Variants in NRP1 observed in about 807,000 individuals in gnomAD.
NRP1 encodes the protein neuropilin-1.
A neutral mutation model predicts 106.7 loss-of-function variants in NRP1; 35 were observed. That is an observed-to-expected ratio of 0.33 (90% CI 0.25 to 0.43). The LOEUF is 0.43. Among genes scored for constraint, NRP1 ranks in the 20% least tolerant of loss-of-function variants. NRP1 has a pLI of 1.00. For synonymous variants in NRP1, 437 were observed against 417.9 expected (o/e 1.05, Z -0.56); for missense variants, 1,024 against 1,170.4 (o/e 0.87, Z 1.83).
rs866737070 is a variant in NRP1 at position 33,198,141 on chromosome 10, T to A, written c.1865-432A>T. Among the ~76,000 whole-genome samples, 140 of 133,454 alleles carry A rather than the reference T, an allele frequency of 1.0e-3. 2 individuals are homozygous for A. Among genetic ancestry groups the A allele is most frequent in the South Asian group, 3.8e-3 (17 of 4,460 alleles). The allele number at this position is 133,454 out of a possible 152,430, so 87.6% of individuals were successfully genotyped here. On this transcript the variant is annotated intron_variant, in intron 11 of 16. Transcript: ENST00000374867. ...AGCAATTTTCTTTTTTTTAAATTTT[T>A]AAATTTTTTTTTTTTTTTGAGATGG...
At chr10:33,204,372 C>T (rs2269108) in intron 10 of NRP1, among the ~76,000 whole-genome samples, 19,716 of 152,174 alleles carry the variant, frequency 0.13, 1,644 homozygotes, top group East Asian at 0.5. Flanking sequence ...AAATAACATA[C>T]ATGCCACTCA....
At chr10:33,322,783 C>T (rs986878690) in intron 2 of NRP1, among the ~76,000 whole-genome samples, 2 of 152,168 alleles carry the variant, frequency 1.3e-5, no homozygotes, top group Admixed American at 1.3e-4. Context: ...AAATTAAGTC[C>T]TTCCTCAGAA....
rs950275779 is a variant in NRP1, at chr10:33,330,562, A to G, written c.248+146T>C. 6 of 577,022 alleles carry G rather than the reference A, an allele frequency of 1.0e-5. No homozygotes were observed. The African/African-American group carries it at 1.2e-4, about 11-fold the overall frequency. The allele number at this position is 577,022 out of a possible 1,614,324, so 35.7% of individuals were successfully genotyped here. ...AATCACTTAACGTACTTCAATTTCC[A>G]TACCATTGACATATAATCTGGCTGA... On this transcript the variant is annotated intron_variant, in intron 2 of 16. Transcript: ENST00000374867.
At chr10:33,212,757 G>T (rs773461098) in intron 9 of NRP1, 37 of 155,240 alleles carry the variant, frequency 2.4e-4, no homozygotes, top group Non-Finnish European at 4.0e-4. Context: ...TGCAACCTCT[G>T]CCTCCCGGGT....
chr10:33,253,037 T>C (rs1841971751), intron 6 of NRP1, among the ~76,000 whole-genome samples: 1 of 152,034 alleles, frequency 6.6e-6, no homozygotes, highest in Non-Finnish European at 1.5e-5. Context: ...CTCTGGGAAT[T>C]AGTCATTTTA....
At chr10:33,207,864 G>A (rs571895126) in intron 9 of NRP1, 148 bp from the exon 10 acceptor site, 6 of 695,298 alleles carry the variant, frequency 8.6e-6, no homozygotes, top group African/African-American at 5.4e-5. Context: ...TTTCATAAAC[G>A]AGAAAGGAAA....
intron 2 of NRP1, 71 bp from the exon 3 acceptor site, chr10:33,270,927 C>T (rs896503774): frequency 8.0e-7 from 1 of 1,254,746 alleles, no homozygotes; most frequent in Non-Finnish European, 1.1e-6. Flanking sequence ...AATTTAGACA[C>T]CAGCATCATC....
chr10:33,275,744 AT>A (rs35978638), intron 2 of NRP1, among the ~76,000 whole-genome samples: 137 of 149,226 alleles, frequency 9.2e-4, no homozygotes, highest in East Asian at 8.7e-3. Flanking sequence ...CTTCTCTACA[AT>A]TTTTTTTTTT....
chr10:33,270,537 G>A, intron 3 of NRP1, 138 bp downstream of exon 3: 1 of 619,658 alleles, frequency 1.6e-6, no homozygotes, highest in Non-Finnish European at 2.6e-6. Context: ...ATGTTGGCCA[G>A]GCTGGTCTTG....
intron 6 of NRP1, among the ~76,000 whole-genome samples, chr10:33,230,591 T>C (rs4934842): frequency 0.62 from 93,174 of 150,850 alleles, 30,115 homozygotes; most frequent in African/African-American, 0.82. Context: ...CATTAGTTTC[T>C]CATATATGTG....
At chr10:33,237,212 C>T (rs532769811) in intron 6 of NRP1, among the ~76,000 whole-genome samples, 1 of 152,274 alleles carries the variant, frequency 6.6e-6, no homozygotes, top group Non-Finnish European at 1.5e-5. Flanking sequence ...CACACATTTA[C>T]TGTATGCCAG....
At chr10:33,286,409 T>C (rs572717564) in intron 2 of NRP1, among the ~76,000 whole-genome samples, 1 of 152,118 alleles carries the variant, frequency 6.6e-6, no homozygotes, top group African/African-American at 2.4e-5. Context: ...CATTCCTACA[T>C]CCTCCTCCTA....
intron 2 of NRP1, among the ~76,000 whole-genome samples, chr10:33,296,726 C>T (rs1250830801): frequency 6.6e-6 from 1 of 152,182 alleles, no homozygotes; most frequent in Non-Finnish European, 1.5e-5. Flanking sequence ...GCTAGCATTT[C>T]AGTCTTAATA....
At chr10:33,216,319 A>G (rs1160310473) in intron 8 of NRP1, among the ~76,000 whole-genome samples, 1 of 151,436 alleles carries the variant, frequency 6.6e-6, no homozygotes, top group African/African-American at 2.4e-5. Context: ...TTGTATTTTT[A>G]GTAGAGAGGG....
At position 33,211,116 on chromosome 10, in the gene NRP1, ATATTGGC is replaced by A. The variant is rs1838268699; in HGVS notation, c.1614+2263_1614+2269del. ...GTATTTTGTGAAAGTTGAAAGATGT[ATATTGGC>A]TTCTCATGGAATTCAGTGCTGGATT... On this transcript the variant is annotated intron_variant, in intron 9 of 16. Transcript: ENST00000374867. Among the ~76,000 whole-genome samples the A allele has an allele frequency of 2.6e-5, 4 of 152,366 alleles. No homozygotes were observed. In the South Asian group the frequency reaches 8.3e-4, roughly 32 times the overall value.
chr10:33,296,311 A>G (rs1289312645), intron 2 of NRP1, among the ~76,000 whole-genome samples: 5 of 152,148 alleles, frequency 3.3e-5, no homozygotes, highest in Non-Finnish European at 5.9e-5. Context: ...TTGCCTCCCT[A>G]GTAAGTTTGT....
chr10:33,229,035 T>G (rs1395186076), intron 6 of NRP1, among the ~76,000 whole-genome samples: 1 of 152,218 alleles, frequency 6.6e-6, no homozygotes, highest in African/African-American at 2.4e-5. Context: ...GGGAGGTGAT[T>G]GAAGGTTGTC....
chr10:33,182,631 T>C, intron 16 of NRP1, 67 bp downstream of exon 16: 1 of 1,122,334 alleles, frequency 8.9e-7, no homozygotes, highest in East Asian at 2.3e-5. Context: ...TTCCACAAAG[T>C]TTCTTCATAA....
chr10:33,231,394 C>A (rs1347094567), intron 6 of NRP1, among the ~76,000 whole-genome samples: 2 of 152,268 alleles, frequency 1.3e-5, no homozygotes, highest in African/African-American at 4.8e-5. Context: ...CCAATCATAG[C>A]CTTGCAGAGT....
Sources: allele counts gnomAD v4.1 joint callset (sites outside exome capture counted in the v4.1 genomes callset), GRCh38; gene constraint gnomAD v4.1.1; transcripts MANE v1.5; gene names NCBI Gene and HGNC (gene_info 2026-07-23, HGNC 2026-07-21).